Variants in CSPP1 observed in about 807,000 individuals in gnomAD.
The protein encoded by CSPP1 is centrosome and spindle pole associated protein 1.
Under a neutral mutation model 164.4 loss-of-function variants are expected in CSPP1, and 126 were observed. The ratio of observed to expected loss-of-function variants is 0.77; its 90% confidence interval spans 0.66 to 0.89. CSPP1 has a LOEUF of 0.89. CSPP1 is among the 40% of genes least tolerant of loss of function. The probability of loss-of-function intolerance (pLI) is 0.00; values close to 1 mark genes in which losing one functional copy is unlikely to be tolerated. For synonymous variants in CSPP1, 472 were observed against 476.7 expected (o/e 0.99, Z 0.13); for missense variants, 1,395 against 1,449.8 (o/e 0.96, Z 0.61).
intron 1 of CSPP1, among the ~76,000 whole-genome samples, chr8:67,073,494 T>C (rs1807276395): frequency 1.3e-5 from 2 of 152,112 alleles, no homozygotes; most frequent in African/African-American, 4.8e-5. Flanking sequence ...AAAAGAGATA[T>C]AGCAGTGAAA....
chr8:67,183,332 A>G (rs1033089628), intron 28 of CSPP1, among the ~76,000 whole-genome samples: 4 of 152,232 alleles, frequency 2.6e-5, no homozygotes, highest in Non-Finnish European at 5.9e-5. Flanking sequence ...TTCATTAACA[A>G]CAGCAGAACC....
chr8:67,131,013 T>C (rs1336775152), intron 15 of CSPP1, among the ~76,000 whole-genome samples: 1 of 152,068 alleles, frequency 6.6e-6, no homozygotes, highest in East Asian at 1.9e-4. Flanking sequence ...CAAAAAATTA[T>C]AAAATCAGTA....
At chr8:67,175,932 G>C (rs1831512727) in intron 26 of CSPP1, among the ~76,000 whole-genome samples, 1 of 152,216 alleles carries the variant, frequency 6.6e-6, no homozygotes, top group South Asian at 2.1e-4. Flanking sequence ...GTGGTTACTA[G>C]GAGTGCAGGT....
intron 3 of CSPP1, chr8:67,081,237 G>A (rs1455231877): frequency 7.5e-6 from 1 of 132,488 alleles, no homozygotes; most frequent in Non-Finnish European, 1.5e-5. Context: ...GATTTACGTT[G>A]TTCGTGTAAA....
intron 8 of CSPP1, among the ~76,000 whole-genome samples, chr8:67,105,127 G>A (rs1307806908): frequency 1.4e-5 from 2 of 147,928 alleles, no homozygotes; most frequent in East Asian, 2.0e-4. Context: ...CCAGGTTCAA[G>A]TGATTCTCCT....
rs1814480540 is a variant in CSPP1 at position 67,103,046 on chromosome 8, G to C, written c.933G>C (p.Arg311Ser). ...CTAATGTGTTTTTAAGGATGCACAG[G>C]AACAAACGAGGGAATATGCCTCCTA... is the stretch of plus-strand genomic sequence containing the variant. ...SRVYTNDRMHRNKRGNMPPME... is the reference protein window; with the variant it reads ...SRVYTNDRMHSNKRGNMPPME... Residue 311 changes from arginine to serine, a missense_variant, in exon 8 of 31, where the codon AGG becomes AGC. Arg to Ser is a moderately radical substitution (Grantham distance 110). Transcript: ENST00000678616. The C allele has an allele frequency of 1.2e-6, 2 of 1,604,700 alleles. No homozygotes were observed. Among genetic ancestry groups the C allele is most frequent in the African/African-American group, 2.7e-5 (2 of 74,746 alleles).
intron 4 of CSPP1, chr8:67,086,888 C>CTTTTTTTTTTTTTTTTT: frequency 1.1e-6 from 1 of 928,308 alleles, no homozygotes; most frequent in Non-Finnish European, 1.5e-6. Context: ...TTTTTTCTTT[C>CTTTTTTTTTTTTTTTTT]TTTTTTTTTT....
chr8:67,195,385 A>G lies in CSPP1; in HGVS notation c.3473A>G (p.Asp1158Gly). 6.2e-7 allele frequency: 1 copy of G among 1,612,984 alleles called. No individual in the cohort carries two copies. The highest frequency in any genetic ancestry group is 1.3e-5 in the African/African-American group (1 of 75,016). ...ACGTGTCCCTTGCCTCCTGTAGATG[A>G]TGAGAGTTCACTGGTTGACCCTGAT... ...EFHNKPINTD[D>G]ESSLVDPDDI... is the part of the protein sequence containing the mutation. The change falls in exon 31 of 31, where the codon GAT (aspartate) becomes GGT (glycine). Residue 1158 changes from aspartate (D) to glycine (G), a missense_variant. Asp to Gly is a moderately conservative substitution (Grantham distance 94). Coordinates refer to ENST00000678616, the MANE Select transcript of CSPP1 (RefSeq NM_001382391.1).
At position 67,158,429 on chromosome 8, in the gene CSPP1, C is replaced by T; in HGVS notation, c.2242-18C>T. On this transcript the variant is annotated intron_variant, in intron 19 of 30. Transcript: ENST00000678616. Reference sequence around the variant, plus strand: ...TTCAATAGTTTTACAAGATAAATAACTAAGTTTAATTCTTTAGATTGAGGA... The same window carrying T: ...TTCAATAGTTTTACAAGATAAATAATTAAGTTTAATTCTTTAGATTGAGGA... 2 of 1,546,876 alleles carry T rather than the reference C, an allele frequency of 1.3e-6. No homozygotes were observed. The highest frequency in any genetic ancestry group is 1.8e-6 in the Non-Finnish European group (2 of 1,142,766).
chr8:67,170,362 CAGG>C (rs541692614), intron 24 of CSPP1, among the ~76,000 whole-genome samples: 2 of 151,438 alleles, frequency 1.3e-5, no homozygotes, highest in Non-Finnish European at 2.9e-5. Context: ...GAGGCTGAGG[CAGG>C]AGAATTGCTT....
At chr8:67,070,996 T>TCCCA (rs2129540429) in intron 1 of CSPP1, among the ~76,000 whole-genome samples, 1 of 152,170 alleles carries the variant, frequency 6.6e-6, no homozygotes, top group East Asian at 1.9e-4. Context: ...GCTCAAGTGA[T>TCCCA]CCCACCTCAG....
At chr8:67,158,701 T>C in intron 20 of CSPP1, 105 bp downstream of exon 20, 2 of 1,359,466 alleles carry the variant, frequency 1.5e-6, no homozygotes, top group African/African-American at 1.5e-5. Flanking sequence ...TTGGAGTACA[T>C]TTAGAAAATA....
chr8:67,159,851 TTTTTCTTTC>T lies in CSPP1; in HGVS notation c.2538+718_2538+726del, dbSNP rs1827487100. ...CTCTCTTTCTTTCTTTCTTTCTTTC[TTTTTCTTTC>T]TTTCTTTCTTTCTTTCTTTCTTTCT... On this transcript the variant is annotated intron_variant, in intron 21 of 30. Coordinates refer to ENST00000678616, the MANE Select transcript of CSPP1 (RefSeq NM_001382391.1). Among the ~76,000 whole-genome samples the T allele has an allele frequency of 3.3e-5, 3 of 90,904 alleles. 1 individual carries two copies. The highest frequency in any genetic ancestry group is 1.1e-4 in the Admixed American group (1 of 9,242). 59.6% of individuals were successfully genotyped at this position (90,904 alleles called of 152,430 possible).
chr8:67,092,040 CT>C (rs1400889676), intron 5 of CSPP1, among the ~76,000 whole-genome samples, 157 bp downstream of exon 5: 1 of 152,076 alleles, frequency 6.6e-6, no homozygotes, highest in African/African-American at 2.4e-5. Flanking sequence ...CATATTTATG[CT>C]GTTTAAAAAA....
intron 24 of CSPP1, among the ~76,000 whole-genome samples, chr8:67,167,989 C>T (rs1009511632): frequency 1.3e-5 from 2 of 152,198 alleles, no homozygotes; most frequent in African/African-American, 4.8e-5. Context: ...CACGCCACTG[C>T]ATTCCAGCCT....
At position 67,076,811 on chromosome 8, in the gene CSPP1, G is replaced by A. The variant is rs1319065591; in HGVS notation, c.199+230G>A. Reference sequence around the variant, plus strand: ...ATGATTTATGGAACTTATAGAAGAAGGTGTGTATAACATAACTTAAAAATT... The same window carrying A: ...ATGATTTATGGAACTTATAGAAGAAAGTGTGTATAACATAACTTAAAAATT... On this transcript the variant is annotated intron_variant, in intron 3 of 30. Coordinates refer to ENST00000678616, the MANE Select transcript of CSPP1 (RefSeq NM_001382391.1). Among the ~76,000 whole-genome samples, 12 of 152,220 alleles carry A rather than the reference G, an allele frequency of 7.9e-5. No homozygotes were observed. In the East Asian group the frequency reaches 2.1e-3, roughly 27 times the overall value.
Position 67,179,874 on chromosome 8 carries a change from C to T in CSPP1, c.3168C>T (p.Asp1056=), listed in dbSNP as rs781562422. The change falls in exon 28 of 31, where the codon GAC becomes GAT. Residue 1056 remains aspartate, a synonymous_variant. Transcript: ENST00000678616. ...CATGTTTCTTTTAGCCCAGAGATGA[C>T]ACTAGTGATTTCTTGAAAAACTCAT... ...KVREQRMPRD[D]TSDFLKNSLL... 3.8e-6 allele frequency: 6 copies of T among 1,595,708 alleles called. No homozygotes were observed. Among genetic ancestry groups the T allele is most frequent in the Non-Finnish European group, 5.2e-6 (6 of 1,164,530 alleles).
chr8:67,089,517 A>G (rs1380955495), intron 4 of CSPP1, among the ~76,000 whole-genome samples: 1 of 152,204 alleles, frequency 6.6e-6, no homozygotes, highest in Non-Finnish European at 1.5e-5. Flanking sequence ...CACTATCCGT[A>G]GCCTGTCCTT....
At position 67,196,185 on chromosome 8, in the gene CSPP1, T is replaced by G. The variant is rs577497131; in HGVS notation, c.*592T>G. 6.6e-6 allele frequency: 1 copy of G among 152,406 alleles called. No homozygotes were observed. Among genetic ancestry groups the G allele is most frequent in the East Asian group, 1.9e-4 (1 of 5,194 alleles). 9.4% of individuals were successfully genotyped at this position (152,406 alleles called of 1,614,324 possible). A position where few individuals can be genotyped will look rare whatever the true frequency, so the allele number is the denominator to read the frequency against. On this transcript the variant is annotated 3_prime_UTR_variant, in exon 31 of 31. Coordinates refer to ENST00000678616, the MANE Select transcript of CSPP1 (RefSeq NM_001382391.1). The stretch of plus-strand genomic sequence containing the variant: ...CTTTCTGCTTCTATTTTTATGCCAA[T>G]GAAGGCATTTGTCTTGTTACTAATT...
Sources: allele counts gnomAD v4.1 joint callset (sites outside exome capture counted in the v4.1 genomes callset), GRCh38; gene constraint gnomAD v4.1.1; transcripts MANE v1.5; gene names NCBI Gene and HGNC (gene_info 2026-07-23, HGNC 2026-07-21).